The following RGMA variants were observed in gnomAD, a reference collection of about 807,000 sequenced individuals.
RGMA encodes repulsive guidance molecule A.
In RGMA, 10 loss-of-function variants were observed where a neutral mutation model predicts 23.2. That is an observed-to-expected ratio of 0.43 (90% CI 0.27 to 0.73). The LOEUF (loss-of-function observed/expected upper bound fraction) is 0.73. Ranked by LOEUF, RGMA falls within the 30% of genes least tolerant of loss-of-function variation. The probability of loss-of-function intolerance (pLI) is 0.20; values close to 1 mark genes in which losing one functional copy is unlikely to be tolerated. For synonymous variants in RGMA, 308 were observed against 279.3 expected, an observed-to-expected ratio of 1.10 and a Z score of -1.03; for missense variants, 547 against 630.5, an observed-to-expected ratio of 0.87 and a Z score of 1.42.
rs12911855 is a variant in RGMA at position 93,043,633 on chromosome 15, G to A, written c.*1365C>T. The stretch of plus-strand genomic sequence containing the variant: ...ACCAGCAGGGAGAGGGAGGGGCCGG[G>A]CCCCGAGCGCCCTCCCACCCGCCCA... On this transcript the variant is annotated 3_prime_UTR_variant, in exon 4 of 4. Transcript: ENST00000329082. 5.3e-5 allele frequency: 8 copies of A among 152,218 alleles called. No homozygotes were observed. Among genetic ancestry groups the A allele is most frequent in the African/African-American group, 1.9e-4 (8 of 41,432 alleles). 9.4% of individuals were successfully genotyped at this position (152,218 alleles called of 1,614,324 possible).
chr15:93,074,654 G>T (rs1239451411), intron 1 of RGMA, among the ~76,000 whole-genome samples: 1 of 152,208 alleles, frequency 6.6e-6, no homozygotes, highest in East Asian at 1.9e-4. Flanking sequence ...TTCAGGACGG[G>T]TCTGCAAAAT....
intron 1 of RGMA, among the ~76,000 whole-genome samples, chr15:93,088,086 A>G (rs937608949): frequency 6.6e-6 from 1 of 152,116 alleles, no homozygotes; most frequent in Admixed American, 6.5e-5. Context: ...ATACAACCCA[A>G]CACCTCCCAA....
chr15:93,065,615 C>G, intron 2 of RGMA: 1 of 836,020 alleles, frequency 1.2e-6, no homozygotes, highest in Admixed American at 1.8e-5. Flanking sequence ...GGGGTCCCCA[C>G]TGTTGATAGG....
intron 2 of RGMA, among the ~76,000 whole-genome samples, chr15:93,070,769 G>A (rs895359990): frequency 2.0e-5 from 3 of 152,250 alleles, no homozygotes; most frequent in Admixed American, 2.0e-4. Flanking sequence ...CAGGAGAGCA[G>A]CTATCAGTTC....
rs150533497 is a variant in RGMA at position 93,052,074 on chromosome 15, C to T, written c.564G>A (p.Pro188=). 460 of 1,612,928 alleles carry T rather than the reference C, an allele frequency of 2.9e-4. 1 individual carries two copies. Among genetic ancestry groups the T allele is most frequent in the African/African-American group, 2.7e-3 (200 of 75,040 alleles). ...FQTCKVQGAW[P]LIDNNYLNVQ... ...CGTTCAGGTAATTATTGTCGATGAGCGGCCAGGCGCCCTGCACCTTGCAGG... is the reference window on the plus strand; with the variant it reads ...CGTTCAGGTAATTATTGTCGATGAGTGGCCAGGCGCCCTGCACCTTGCAGG... The change falls in exon 3 of 4, where the codon CCG becomes CCA. Residue 188 remains proline, a synonymous_variant. Transcript: ENST00000329082.
intron 3 of RGMA, among the ~76,000 whole-genome samples, chr15:93,046,447 A>G (rs1483814407): frequency 6.6e-6 from 1 of 152,200 alleles, no homozygotes; most frequent in African/African-American, 2.4e-5. Flanking sequence ...CCACAATTAT[A>G]AAACATTTCT....
At chr15:93,079,796 G>A (rs1895528575) in intron 1 of RGMA, among the ~76,000 whole-genome samples, 1 of 152,116 alleles carries the variant, frequency 6.6e-6, no homozygotes, top group African/African-American at 2.4e-5. Flanking sequence ...CTCCAGCATG[G>A]GCAACGGAGA....
chr15:93,052,332 G>A lies in RGMA; in HGVS notation c.306C>T (p.Ala102=), dbSNP rs761572336. Reference sequence around the variant, plus strand: ...TCATGAGGTCCTCTATGCCATGGACGGCCGAGTGGTAGGCCAGGTCACCCC... The same window carrying A: ...TCATGAGGTCCTCTATGCCATGGACAGCCGAGTGGTAGGCCAGGTCACCCC... ...TCRGDLAYHS[A]VHGIEDLMSQ... is the part of the protein sequence containing the mutation. The change falls in exon 3 of 4, where the codon GCC becomes GCT. Residue 102 remains alanine, a synonymous_variant. Coordinates refer to ENST00000329082, the MANE Select transcript of RGMA (RefSeq NM_020211.3). 14 of 1,602,710 alleles carry A rather than the reference G, an allele frequency of 8.7e-6. No homozygotes were observed. The highest frequency in any genetic ancestry group is 3.3e-5 in the Admixed American group (2 of 59,960).
Position 93,036,094 on chromosome 15 carries a change from A to G in RGMA, c.*8904T>C, listed in dbSNP as rs540632182. 1.3e-5 allele frequency: 2 copies of G among 152,352 alleles called. No homozygotes were observed. Among genetic ancestry groups the G allele is most frequent in the East Asian group, 1.9e-4 (1 of 5,186 alleles). 9.4% of individuals were successfully genotyped at this position (152,352 alleles called of 1,614,324 possible). ...AGTATGATTACACGTGTAATCACACATGTGACTCGGTTAGTGTCTGTCTCT... is the reference window on the plus strand; with the variant it reads ...AGTATGATTACACGTGTAATCACACGTGTGACTCGGTTAGTGTCTGTCTCT... On this transcript the variant is annotated 3_prime_UTR_variant, in exon 4 of 4. Transcript: ENST00000329082.
At chr15:93,075,302 TAAG>T (rs1895454693) in intron 1 of RGMA, among the ~76,000 whole-genome samples, 2 of 152,330 alleles carry the variant, frequency 1.3e-5, no homozygotes, top group African/African-American at 4.8e-5. Context: ...AAAGCTATTT[TAAG>T]TATTGTTAAT....
rs528414060 is a variant in RGMA at position 93,074,060 on chromosome 15, C to T, written c.15-1029G>A. 7.7e-4 allele frequency: 1,014 copies of T among 1,311,190 alleles called. 3 individuals are homozygous for T. Among genetic ancestry groups the T allele is most frequent in the Non-Finnish European group, 8.9e-4 (914 of 1,024,142 alleles). The allele number at this position is 1,311,190 out of a possible 1,614,324, so 81.2% of individuals were successfully genotyped here. A position where few individuals can be genotyped will look rare whatever the true frequency, so the allele number is the denominator to read the frequency against. On this transcript the variant is annotated intron_variant, in intron 1 of 3. Transcript: ENST00000329082. ...CCTTCCCAAGGTTCCCTGGGCCCTGCAGTTCTGCTGCCGTTGTGATATTTA... is the reference window on the plus strand; with the variant it reads ...CCTTCCCAAGGTTCCCTGGGCCCTGTAGTTCTGCTGCCGTTGTGATATTTA...
chr15:93,087,952 G>A (rs542059744), intron 1 of RGMA, among the ~76,000 whole-genome samples: 1 of 152,186 alleles, frequency 6.6e-6, no homozygotes, highest in Non-Finnish European at 1.5e-5. Context: ...TCCACCTTGT[G>A]CGGGAGACTA....
In RGMA at chr15:93,070,212, G is replaced by C. The variant is rs375960256; in HGVS notation, c.130+2704C>G. Among the ~76,000 whole-genome samples the C allele has an allele frequency of 8.5e-5, 13 of 152,284 alleles. No individual in the cohort carries two copies. The East Asian group carries it at 1.9e-3, about 23-fold the overall frequency. On this transcript the variant is annotated intron_variant, in intron 2 of 3. Coordinates refer to ENST00000329082, the MANE Select transcript of RGMA (RefSeq NM_020211.3). ...ATGGAGTAAGTAAATGCAAACACTC[G>C]AAACACACAAACGCTCTCAGTGTAG...
chr15:93,044,961 G>C lies in RGMA; in HGVS notation c.*37C>G, dbSNP rs1364300908. The stretch of plus-strand genomic sequence containing the variant: ...CCCAGCCCACACATGGGGAAGCCGA[G>C]AGGACGGAGCCCGCGCCTCCCTCCA... On this transcript the variant is annotated 3_prime_UTR_variant, in exon 4 of 4. Coordinates refer to ENST00000329082, the MANE Select transcript of RGMA (RefSeq NM_020211.3). The C allele has an allele frequency of 6.6e-7, 1 of 1,518,942 alleles. No individual in the cohort carries two copies. The highest frequency in any genetic ancestry group is 8.9e-7 in the Non-Finnish European group (1 of 1,122,852). The allele number at this position is 1,518,942 out of a possible 1,614,324, so 94.1% of individuals were successfully genotyped here. A position where few individuals can be genotyped will look rare whatever the true frequency, so the allele number is the denominator to read the frequency against.
chr15:93,064,903 TCC>T (rs1178331455), intron 2 of RGMA, among the ~76,000 whole-genome samples: 3 of 152,026 alleles, frequency 2.0e-5, no homozygotes, highest in Non-Finnish European at 4.4e-5. Flanking sequence ...CCTCATCATA[TCC>T]CCAAAGTCTA....
chr15:93,049,012 T>G (rs2054874441), intron 3 of RGMA, among the ~76,000 whole-genome samples: 1 of 152,242 alleles, frequency 6.6e-6, no homozygotes, highest in Non-Finnish European at 1.5e-5. Context: ...CCTGGAAGGC[T>G]GACAGGCTGC....
intron 2 of RGMA, among the ~76,000 whole-genome samples, chr15:93,071,389 T>C (rs566088836): frequency 9.1e-4 from 138 of 152,346 alleles, no homozygotes; most frequent in African/African-American, 3.1e-3. Flanking sequence ...GAGGGCACCC[T>C]GCTGTTTGAT....
intron 1 of RGMA, 92 bp from the exon 2 acceptor site, chr15:93,073,123 G>T (rs530170779): frequency 7.5e-7 from 1 of 1,328,662 alleles, no homozygotes; most frequent in African/African-American, 1.5e-5. Flanking sequence ...CGAGCCGGGA[G>T]GCTCCGTCCA....
At chr15:93,071,201 C>T (rs1895311298) in intron 2 of RGMA, among the ~76,000 whole-genome samples, 1 of 152,234 alleles carries the variant, frequency 6.6e-6, no homozygotes, top group South Asian at 2.1e-4. Flanking sequence ...TGATCTTTAT[C>T]TAGACCAAAC....
Sources: gnomAD v4.1 joint callset for allele counts (sites outside exome capture counted in the v4.1 genomes callset) on GRCh38, gnomAD v4.1.1 for gene constraint, MANE v1.5 for transcripts, NCBI Gene and HGNC (gene_info 2026-07-23, HGNC 2026-07-21) for gene names.